Variants in CLNK observed in about 807,000 individuals in gnomAD.
CLNK encodes cytokine-dependent hematopoietic cell linker.
In CLNK, 74 loss-of-function variants were observed where a neutral mutation model predicts 68.6. That is an observed-to-expected ratio of 1.08 (90% CI 0.89 to 1.31). The LOEUF (loss-of-function observed/expected upper bound fraction) is 1.31. Ranked by LOEUF, CLNK falls within the 50% of genes most tolerant of loss-of-function variation. CLNK has a pLI of 0.00. For synonymous variants in CLNK, 198 were observed against 172.2 expected (o/e 1.15, Z -1.17); for missense variants, 553 against 515.3 (o/e 1.07, Z -0.71).
In CLNK at chr4:10,564,685, T is replaced by G; in HGVS notation, c.385A>C (p.Thr129Pro). 6.2e-7 allele frequency: 1 copy of G among 1,611,938 alleles called. No homozygotes were observed. The highest frequency in any genetic ancestry group is 8.5e-7 in the Non-Finnish European group (1 of 1,178,004). Reference protein sequence around the residue: ...SIGQPTWNTQTRLERVDKPIS... With the variant: ...SIGQPTWNTQPRLERVDKPIS... ...TCTTTACTCACTCTTTCCAACCTCG[T>G]CTGTGTGTTCCAGGTCGGCTGTCCA... is the stretch of plus-strand genomic sequence containing the variant. Residue 129 changes from threonine (T) to proline (P), a missense_variant, in exon 7 of 19, where the codon ACG becomes CCG. Thr to Pro is a conservative substitution (Grantham distance 38). Transcript: ENST00000226951.
the CLNK span, among the ~76,000 whole-genome samples, chr4:10,699,082 C>G: frequency 2.0e-5 from 3 of 151,956 alleles, no homozygotes; most frequent in African/African-American, 7.2e-5. Context: ...CACACTGGAA[C>G]TACACGTCAG....
intron 8 of CLNK, among the ~76,000 whole-genome samples, chr4:10,557,470 C>G (rs1719723908): frequency 6.6e-6 from 1 of 152,142 alleles, no homozygotes; most frequent in Non-Finnish European, 1.5e-5. Flanking sequence ...TGTCCCGGGA[C>G]CAGTGATCAC....
At chr4:10,544,038 A>C (rs1719133097) in intron 8 of CLNK, among the ~76,000 whole-genome samples, 1 of 152,198 alleles carries the variant, frequency 6.6e-6, no homozygotes, top group South Asian at 2.1e-4. Flanking sequence ...CTTATTGTTT[A>C]TTGGCTTCAC....
At chr4:10,501,590 C>A (rs896258357) in intron 17 of CLNK, among the ~76,000 whole-genome samples, 179 bp from the exon 18 acceptor site, 26 of 152,220 alleles carry the variant, frequency 1.7e-4, no homozygotes, top group African/African-American at 6.0e-4. Flanking sequence ...TTGTCACTTT[C>A]TGAGATGTGT....
rs980324497 is a variant in CLNK at position 10,486,790 on chromosome 4, A to G, written c.*3677T>C. ...CATCTCAAAGGAGCTTCCTCAAAAC[A>G]TTTAATGTTGGCATCACCCCACAAG... is the stretch of plus-strand genomic sequence containing the variant. On this transcript the variant is annotated 3_prime_UTR_variant, in exon 19 of 19. Coordinates refer to ENST00000226951, the MANE Select transcript of CLNK (RefSeq NM_052964.4). The G allele has an allele frequency of 1.3e-5, 2 of 152,218 alleles. No homozygotes were observed. Among genetic ancestry groups the G allele is most frequent in the Non-Finnish European group, 2.9e-5 (2 of 68,034 alleles). 9.4% of individuals were successfully genotyped at this position (152,218 alleles called of 1,614,324 possible). A position where few individuals can be genotyped will look rare whatever the true frequency, so the allele number is the denominator to read the frequency against.
chr4:10,713,754 C>A, the CLNK span, among the ~76,000 whole-genome samples: 6 of 152,200 alleles, frequency 3.9e-5, 1 homozygote, highest in African/African-American at 9.6e-5. Flanking sequence ...AGGAGCATGG[C>A]ATCCCTCCCA....
At chr4:10,678,639 C>A (rs922150033) in intron 1 of CLNK, among the ~76,000 whole-genome samples, 1 of 152,080 alleles carries the variant, frequency 6.6e-6, no homozygotes, top group African/African-American at 2.4e-5. Context: ...ATCATCTCAG[C>A]CCAAAATCTC....
chr4:10,699,243 T>TATGTGTGTGTATACACACACAC, the CLNK span, among the ~76,000 whole-genome samples: 1 of 54,776 alleles, frequency 1.8e-5, no homozygotes, highest in Admixed American at 1.6e-4. Context: ...TACACACACA[T>TATGTGTGTGTATACACACACAC]ACACACCACG....
chr4:10,652,492 C>G (rs1009572942), intron 2 of CLNK, among the ~76,000 whole-genome samples: 1 of 150,202 alleles, frequency 6.7e-6, no homozygotes, highest in Non-Finnish European at 1.5e-5. Context: ...AGAAAAGTGT[C>G]AATATAAAAT....
At chr4:10,695,949 G>A in the CLNK span, among the ~76,000 whole-genome samples, 17 of 151,346 alleles carry the variant, frequency 1.1e-4, no homozygotes, top group African/African-American at 3.9e-4. Context: ...TCTGCCTCCC[G>A]GGTTCAAGCA....
chr4:10,729,798 A>C, the CLNK span, among the ~76,000 whole-genome samples: 1 of 152,254 alleles, frequency 6.6e-6, no homozygotes, highest in African/African-American at 2.4e-5. Flanking sequence ...CCTGCCCATT[A>C]ACTTTTTCCC....
In CLNK at chr4:10,511,404, A is replaced by G. The variant is rs112958936; in HGVS notation, c.906+2060T>C. ...CATTTTAACCATTTTTAGGTGTATA[A>G]TTCAGTGGCATTAAGTACATTCACA... is the stretch of plus-strand genomic sequence containing the variant. On this transcript the variant is annotated intron_variant, in intron 16 of 18. Transcript: ENST00000226951. Among the ~76,000 whole-genome samples, 394 of 152,336 alleles carry G rather than the reference A, an allele frequency of 2.6e-3. 1 individual carries two copies. Among genetic ancestry groups the G allele is most frequent in the African/African-American group, 9.1e-3 (377 of 41,572 alleles).
chr4:10,728,385 AGTGT>A, the CLNK span, among the ~76,000 whole-genome samples: 125 of 146,828 alleles, frequency 8.5e-4, no homozygotes, highest in Admixed American at 1.6e-3. Context: ...TATTCTAAAG[AGTGT>A]GTGTGTGTGT....
At chr4:10,673,470 A>G (rs979965210) in intron 1 of CLNK, among the ~76,000 whole-genome samples, 1 of 152,188 alleles carries the variant, frequency 6.6e-6, no homozygotes, top group Non-Finnish European at 1.5e-5. Flanking sequence ...CATATACACC[A>G]TGGAATACTA....
At chr4:10,563,370 A>T (rs1391694438) in intron 7 of CLNK, among the ~76,000 whole-genome samples, 1 of 152,220 alleles carries the variant, frequency 6.6e-6, no homozygotes, top group Non-Finnish European at 1.5e-5. Flanking sequence ...AAATGGAAAC[A>T]ATTTTTTAGA....
Position 10,631,103 on chromosome 4 carries a change from C to T in CLNK, c.12-33054G>A, listed in dbSNP as rs75129461. Among the ~76,000 whole-genome samples the T allele has an allele frequency of 2.3e-3, 352 of 150,268 alleles. 1 individual carries two copies. The highest frequency in any genetic ancestry group is 7.9e-3 in the African/African-American group (326 of 41,302). On this transcript the variant is annotated intron_variant, in intron 2 of 18. Coordinates refer to ENST00000226951, the MANE Select transcript of CLNK (RefSeq NM_052964.4). ...CTTGCATAGCTTAAAGAAAGCTTCTCTTTTGGCCTTCTGTGTCTCTCCTGC... is the reference window on the plus strand; with the variant it reads ...CTTGCATAGCTTAAAGAAAGCTTCTTTTTTGGCCTTCTGTGTCTCTCCTGC...
chr4:10,543,361 A>T (rs1392242332), intron 8 of CLNK, among the ~76,000 whole-genome samples: 2 of 152,122 alleles, frequency 1.3e-5, no homozygotes, highest in Non-Finnish European at 2.9e-5. Flanking sequence ...GAAAATGTCT[A>T]TCTTTTGTTA....
At chr4:10,724,140 C>A in the CLNK span, among the ~76,000 whole-genome samples, 1 of 152,256 alleles carries the variant, frequency 6.6e-6, no homozygotes, top group South Asian at 2.1e-4. Context: ...TTATACATTA[C>A]TATATATTTA....
chr4:10,698,076 G>A, the CLNK span, among the ~76,000 whole-genome samples: 28 of 152,192 alleles, frequency 1.8e-4, no homozygotes, highest in African/African-American at 5.8e-4. Flanking sequence ...ATTGTAGTTC[G>A]GAATTAAGAC....
Sources: gnomAD v4.1 joint callset for allele counts (sites outside exome capture counted in the v4.1 genomes callset) on GRCh38, gnomAD v4.1.1 for gene constraint, MANE v1.5 for transcripts, NCBI Gene and HGNC (gene_info 2026-07-23, HGNC 2026-07-21) for gene names.